The following ZFAND3 variants were observed in gnomAD, a reference collection of about 807,000 sequenced individuals.
ZFAND3 encodes zinc finger AN1-type containing 3, also known as AN1-type zinc finger protein 3.
In ZFAND3, 10 loss-of-function variants were observed where a neutral mutation model predicts 29.6. That is an observed-to-expected ratio of 0.34 (90% confidence interval 0.21 to 0.57). The LOEUF is 0.57. Among genes scored for constraint, ZFAND3 ranks in the 20% least tolerant of loss-of-function variants. The pLI is 0.86. For missense variants in ZFAND3, 230 were observed against 304.5 expected (o/e 0.76, Z 1.82); for synonymous variants, 128 against 112.6 (o/e 1.14, Z -0.87).
chr6:37,893,093 C>T (rs912325907), intron 1 of ZFAND3, among the ~76,000 whole-genome samples: 6 of 152,086 alleles, frequency 3.9e-5, no homozygotes, highest in Middle Eastern at 3.4e-3. Flanking sequence ...AAGCACTTCC[C>T]AACTCATGAG....
chr6:37,819,759 C>T lies in ZFAND3; in HGVS notation c.-187C>T, dbSNP rs994375556. The T allele has an allele frequency of 3.0e-5, 7 of 237,196 alleles. No individual in the cohort carries two copies. The highest frequency in any genetic ancestry group is 5.3e-5 in the Non-Finnish European group (7 of 133,010). The allele number at this position is 237,196 out of a possible 1,614,324, so 14.7% of individuals were successfully genotyped here. Reference sequence around the variant, plus strand: ...TCTCCGCAGGCCGAGTGGTGCGGCCCGCCTCCAGCTGACCGGCCTGGAATC... The same window carrying T: ...TCTCCGCAGGCCGAGTGGTGCGGCCTGCCTCCAGCTGACCGGCCTGGAATC... On this transcript the variant is annotated 5_prime_UTR_variant, in exon 1 of 6. Transcript: ENST00000287218.
chr6:37,930,750 A>T (rs918904440), intron 2 of ZFAND3, among the ~76,000 whole-genome samples: 2 of 152,188 alleles, frequency 1.3e-5, no homozygotes, highest in Non-Finnish European at 2.9e-5. Context: ...TTTTTAAAAA[A>T]CTTTCTATCT....
chr6:37,820,238 G>A (rs1277604835), intron 1 of ZFAND3, among the ~76,000 whole-genome samples: 1 of 152,066 alleles, frequency 6.6e-6, no homozygotes, highest in Non-Finnish European at 1.5e-5. Flanking sequence ...TACCCTTTGG[G>A]ACTCGCCGGC....
intron 3 of ZFAND3, among the ~76,000 whole-genome samples, chr6:38,064,450 C>T (rs1443208000): frequency 6.6e-6 from 1 of 152,130 alleles, no homozygotes; most frequent in African/African-American, 2.4e-5. Flanking sequence ...TGGTCACAAA[C>T]GAGTAGATAC....
At chr6:38,066,118 C>T (rs1477970341) in intron 3 of ZFAND3, among the ~76,000 whole-genome samples, 1 of 152,132 alleles carries the variant, frequency 6.6e-6, no homozygotes, top group Admixed American at 6.6e-5. Flanking sequence ...AGCTTTGCTC[C>T]CTCACCTAGG....
chr6:37,928,169 C>A (rs1761524448), intron 1 of ZFAND3, among the ~76,000 whole-genome samples: 1 of 152,028 alleles, frequency 6.6e-6, no homozygotes, highest in South Asian at 2.1e-4. Flanking sequence ...AAATAATGAC[C>A]CCCTTTCCCC....
At chr6:38,005,373 G>A (rs1000572461) in intron 2 of ZFAND3, among the ~76,000 whole-genome samples, 1 of 152,122 alleles carries the variant, frequency 6.6e-6, no homozygotes, top group Non-Finnish European at 1.5e-5. Flanking sequence ...ATAGTTCCTT[G>A]CAATCAAATC....
At chr6:37,999,872 G>T (rs927486098) in intron 2 of ZFAND3, among the ~76,000 whole-genome samples, 1 of 152,136 alleles carries the variant, frequency 6.6e-6, no homozygotes, top group African/African-American at 2.4e-5. Flanking sequence ...CTCGTTAATT[G>T]TAACAAATAT....
intron 1 of ZFAND3, among the ~76,000 whole-genome samples, chr6:37,907,167 C>G (rs998224746): frequency 6.6e-5 from 10 of 151,920 alleles, no homozygotes; most frequent in Admixed American, 6.6e-4. Context: ...TATTCCTTTC[C>G]AAAATATCAT....
chr6:38,047,321 A>G (rs911667784), intron 2 of ZFAND3, among the ~76,000 whole-genome samples: 1 of 150,730 alleles, frequency 6.6e-6, no homozygotes, highest in African/African-American at 2.4e-5. Flanking sequence ...TCTCAAAAAA[A>G]AAAAAAAGAA....
At chr6:38,010,893 G>A (rs1372164511) in intron 2 of ZFAND3, among the ~76,000 whole-genome samples, 2 of 148,798 alleles carry the variant, frequency 1.3e-5, no homozygotes, top group African/African-American at 2.5e-5. Flanking sequence ...GAGCCACTGC[G>A]CCCGGCCCAA....
intron 4 of ZFAND3, among the ~76,000 whole-genome samples, chr6:38,112,329 C>T (rs1483357541): frequency 6.6e-6 from 1 of 152,172 alleles, no homozygotes; most frequent in Admixed American, 6.5e-5. Context: ...TTATGAAGGA[C>T]CTTAATTAGA....
intron 2 of ZFAND3, among the ~76,000 whole-genome samples, chr6:37,964,350 T>G (rs1762254294): frequency 6.6e-6 from 1 of 152,178 alleles, no homozygotes; most frequent in African/African-American, 2.4e-5. Flanking sequence ...CTGACCTGTG[T>G]GGCTCTTGGG....
intron 4 of ZFAND3, among the ~76,000 whole-genome samples, chr6:38,112,566 G>A (rs565820655): frequency 4.6e-5 from 7 of 152,316 alleles, no homozygotes; most frequent in East Asian, 1.9e-4. Context: ...AATGCTTCAC[G>A]GTAACAGGGA....
intron 1 of ZFAND3, among the ~76,000 whole-genome samples, chr6:37,864,472 G>C (rs189001149): frequency 8.1e-4 from 123 of 152,228 alleles, no homozygotes; most frequent in Admixed American, 1.7e-3. Context: ...CTGGGGATCT[G>C]AGATAAGCAA....
intron 3 of ZFAND3, among the ~76,000 whole-genome samples, chr6:38,066,519 C>T (rs899277477): frequency 3.9e-5 from 6 of 152,150 alleles, no homozygotes; most frequent in Non-Finnish European, 7.3e-5. Flanking sequence ...ATGCCAAATC[C>T]AAGTACCGTG....
chr6:37,925,075 CT>C (rs201282876), intron 1 of ZFAND3, among the ~76,000 whole-genome samples: 4 of 149,630 alleles, frequency 2.7e-5, no homozygotes, highest in Admixed American at 6.7e-5. Context: ...GACTTCCAGA[CT>C]TTTTTTTTTA....
At chr6:37,950,299 A>G (rs574472905) in intron 2 of ZFAND3, among the ~76,000 whole-genome samples, 3 of 151,102 alleles carry the variant, frequency 2.0e-5, no homozygotes, top group African/African-American at 7.3e-5. Flanking sequence ...GAAGGAGTCC[A>G]GTTTCAATCT....
intron 1 of ZFAND3, among the ~76,000 whole-genome samples, chr6:37,843,719 C>G (rs1413692610): frequency 6.6e-6 from 1 of 151,860 alleles, no homozygotes; most frequent in Admixed American, 6.6e-5. Context: ...TTAATATACT[C>G]AACAATCATT....
Sources: gnomAD v4.1 joint callset for allele counts (sites outside exome capture counted in the v4.1 genomes callset) on GRCh38, gnomAD v4.1.1 for gene constraint, MANE v1.5 for transcripts, NCBI Gene and HGNC (gene_info 2026-07-23, HGNC 2026-07-21) for gene names.